The following KATNIP variants were observed in gnomAD, a reference collection of about 807,000 sequenced individuals.
KATNIP encodes the protein katanin-interacting protein.
KATNIP carries 126 observed loss-of-function variants against 174.0 expected under a neutral mutation model. The observed-to-expected ratio is 0.72, with a 90% CI of 0.63 to 0.84. The LOEUF (loss-of-function observed/expected upper bound fraction) is 0.84. KATNIP is among the 40% of genes least tolerant of loss of function. The probability of loss-of-function intolerance (pLI) is 0.00; values close to 1 mark genes in which losing one functional copy is unlikely to be tolerated. For synonymous variants in KATNIP, 810 were observed against 835.7 expected (o/e 0.97, Z 0.53); for missense variants, 1,958 against 2,109.7 (o/e 0.93, Z 1.41).
chr16:27,559,262 A>T (rs896885236), intron 1 of KATNIP, among the ~76,000 whole-genome samples: 1 of 152,158 alleles, frequency 6.6e-6, no homozygotes, highest in African/African-American at 2.4e-5. Context: ...TGAAGTATAG[A>T]ATTTCTCTGG....
chr16:27,685,407 A>T (rs1487432617), intron 8 of KATNIP: 5 of 152,176 alleles, frequency 3.3e-5, no homozygotes, highest in Non-Finnish European at 7.3e-5. Context: ...AATAAATAAA[A>T]AATTTAAGAA....
chr16:27,727,142 C>G (rs918806033), intron 14 of KATNIP: 1 of 173,812 alleles, frequency 5.8e-6, no homozygotes, highest in Non-Finnish European at 1.3e-5. Flanking sequence ...GTGTCATCGC[C>G]GGAGGCTTGT....
chr16:27,560,236 C>T (rs185273690), intron 1 of KATNIP, among the ~76,000 whole-genome samples: 2 of 145,508 alleles, frequency 1.4e-5, no homozygotes, highest in Admixed American at 1.4e-4. Context: ...GAGCTGAGAT[C>T]GCGCCACTGC....
At chr16:27,622,328 GA>G (rs2076220234) in intron 3 of KATNIP, among the ~76,000 whole-genome samples, 1 of 152,274 alleles carries the variant, frequency 6.6e-6, no homozygotes, top group African/African-American at 2.4e-5. Context: ...GGAGTAGGGG[GA>G]CAGAGTCTGG....
chr16:27,571,783 C>T (rs1474883217), intron 1 of KATNIP, among the ~76,000 whole-genome samples: 2 of 152,218 alleles, frequency 1.3e-5, no homozygotes, highest in Non-Finnish European at 2.9e-5. Context: ...CTTCGCTCTG[C>T]ATGATGAGGC....
rs967765701 is a variant in KATNIP at position 27,777,479 on chromosome 16, G to A, written c.4552-131G>A. 73 of 771,078 alleles carry A rather than the reference G, an allele frequency of 9.5e-5. No homozygotes were observed. The Admixed American group carries it at 1.8e-3, about 19-fold the overall frequency. 47.8% of individuals were successfully genotyped at this position (771,078 alleles called of 1,614,324 possible). Reference sequence around the variant, plus strand: ...AATCACAAGGCAGACACAGCACACAGTAGGCGCTTGTTCCTGACAGCCCCG... The same window carrying A: ...AATCACAAGGCAGACACAGCACACAATAGGCGCTTGTTCCTGACAGCCCCG... On this transcript the variant is annotated intron_variant, in intron 25 of 27. Transcript: ENST00000261588. The surrounding 1 kb of genome is among the most constrained non-coding windows in gnomAD (Gnocchi z 4.4).
At chr16:27,676,804 G>A (rs2078134293) in intron 6 of KATNIP, among the ~76,000 whole-genome samples, 2 of 151,932 alleles carry the variant, frequency 1.3e-5, no homozygotes, top group Non-Finnish European at 2.9e-5. Context: ...CGAGTAGCTG[G>A]GACTACAGGC....
chr16:27,597,402 C>CT (rs36005993), intron 2 of KATNIP, among the ~76,000 whole-genome samples: 1,059 of 46,112 alleles, frequency 0.023, 50 homozygotes, highest in Middle Eastern at 0.038. Flanking sequence ...ATTTTCTTTT[C>CT]TTTTTTTTTT....
At chr16:27,741,029 G>T in intron 15 of KATNIP, 109 bp downstream of exon 15, 1 of 1,162,916 alleles carries the variant, frequency 8.6e-7, no homozygotes, top group Non-Finnish European at 1.2e-6. Context: ...ACAACAAGAT[G>T]GTTGTTCTCA....
chr16:27,621,895 T>A (rs1408836222), intron 3 of KATNIP, among the ~76,000 whole-genome samples: 2 of 151,898 alleles, frequency 1.3e-5, no homozygotes, highest in Non-Finnish European at 2.9e-5. Context: ...TCTGCCCCCA[T>A]GATTCAGTCA....
intron 13 of KATNIP, among the ~76,000 whole-genome samples, chr16:27,712,998 G>A (rs2079651414): frequency 6.6e-6 from 1 of 152,028 alleles, no homozygotes; most frequent in Admixed American, 6.5e-5. Context: ...TGTAGAGATA[G>A]GGTCTCACTG....
At chr16:27,577,585 G>A (rs985758122) in intron 2 of KATNIP, among the ~76,000 whole-genome samples, 2 of 152,194 alleles carry the variant, frequency 1.3e-5, no homozygotes, top group African/African-American at 2.4e-5. Context: ...CCAGCTACTC[G>A]GGAGGCTGAA....
intron 6 of KATNIP, among the ~76,000 whole-genome samples, chr16:27,666,199 T>C (rs1391812731): frequency 2.6e-5 from 4 of 152,186 alleles, no homozygotes; most frequent in African/African-American, 9.6e-5. Flanking sequence ...AAAGATTGTT[T>C]TGGTTTTTCT....
At chr16:27,679,366 C>A (rs1201186046) in intron 7 of KATNIP, among the ~76,000 whole-genome samples, 1 of 152,054 alleles carries the variant, frequency 6.6e-6, no homozygotes, top group East Asian at 1.9e-4. Flanking sequence ...TGGATTAGGG[C>A]CCACCTATAT....
intron 8 of KATNIP, among the ~76,000 whole-genome samples, chr16:27,693,874 G>A (rs1265954473): frequency 6.6e-6 from 1 of 152,070 alleles, no homozygotes; most frequent in Non-Finnish European, 1.5e-5. Context: ...TAAAATTCAG[G>A]GGATTTCACA....
At chr16:27,762,056 A>G (rs1159597400) in intron 19 of KATNIP, among the ~76,000 whole-genome samples, 1 of 152,098 alleles carries the variant, frequency 6.6e-6, no homozygotes, top group Non-Finnish European at 1.5e-5. Context: ...TTTCCCCTGC[A>G]CTTGTCAGAT....
intron 6 of KATNIP, among the ~76,000 whole-genome samples, chr16:27,654,418 T>C (rs953355927): frequency 6.6e-6 from 1 of 152,220 alleles, no homozygotes; most frequent in African/African-American, 2.4e-5. Flanking sequence ...ATTGACTGGC[T>C]GTGTGCCAGC....
chr16:27,641,750 G>T (rs868397096), intron 5 of KATNIP, among the ~76,000 whole-genome samples: 9 of 152,214 alleles, frequency 5.9e-5, no homozygotes, highest in Admixed American at 5.2e-4. Flanking sequence ...GCAAAGGAGG[G>T]GCCTGGAATT....
intron 12 of KATNIP, among the ~76,000 whole-genome samples, chr16:27,705,761 T>G (rs1439172424): frequency 6.6e-6 from 1 of 152,144 alleles, no homozygotes; most frequent in Non-Finnish European, 1.5e-5. Context: ...ACTGCAGCCT[T>G]GAACTCCTTG....
Sources: allele counts gnomAD v4.1 joint callset (sites outside exome capture counted in the v4.1 genomes callset), GRCh38; gene constraint gnomAD v4.1.1; non-coding constraint Gnocchi (gnomAD v3.1); transcripts MANE v1.5; gene names NCBI Gene and HGNC (gene_info 2026-07-23, HGNC 2026-07-21).